Variants in C1orf167 observed in about 807,000 individuals in gnomAD.
The protein encoded by C1orf167 is uncharacterized protein C1orf167.
A neutral mutation model predicts 176.5 loss-of-function variants in C1orf167; 153 were observed. The ratio of observed to expected loss-of-function variants is 0.87; its 90% CI spans 0.76 to 0.99. C1orf167 has a LOEUF of 0.99. C1orf167 is among the 50% of genes least tolerant of loss of function. C1orf167 has a pLI of 0.00. For synonymous variants in C1orf167, 594 were observed against 752.7 expected, an observed-to-expected ratio of 0.79 and a Z score of 3.45; for missense variants, 1,490 against 1,817.7, an observed-to-expected ratio of 0.82 and a Z score of 3.28.
chr1:11,772,003 CAT>C (rs1210153303), intron 7 of C1orf167, 77 bp from the exon 8 acceptor site: 1 of 1,135,140 alleles, frequency 8.8e-7, no homozygotes, highest in Non-Finnish European at 1.1e-6. Context: ...AGGCACCCCA[CAT>C]GTCAGGGGCC....
chr1:11,772,245 A>G lies in C1orf167; in HGVS notation c.1974A>G (p.Arg658=). The part of the protein sequence containing the change: ...WVAPLSPQHQ[R]AWLCRCFGAW... The stretch of plus-strand genomic sequence containing the variant: ...CCCCACTGAGCCCCCAGCACCAGAG[A>G]GCTTGGCTGTGCAGGTAGGATGCCC... The change falls in exon 8 of 21, where the codon AGA becomes AGG. Residue 658 remains arginine, a synonymous_variant. Coordinates refer to ENST00000688073, the MANE Select transcript of C1orf167 (RefSeq NM_001010881.2). 1 of 1,303,210 alleles carries G rather than the reference A, an allele frequency of 7.7e-7. No homozygotes were observed. The highest frequency in any genetic ancestry group is 1.0e-6 in the Non-Finnish European group (1 of 988,620). 80.7% of individuals were successfully genotyped at this position (1,303,210 alleles called of 1,614,324 possible).
chr1:11,775,707 T>C, intron 9 of C1orf167, 97 bp downstream of exon 9: 1 of 1,226,184 alleles, frequency 8.2e-7, no homozygotes, highest in South Asian at 1.5e-5. Context: ...TGGGAGGTGA[T>C]AGAACTGGGG....
At position 11,784,213 on chromosome 1, in the gene C1orf167, G is replaced by A. The variant is rs919553722; in HGVS notation, c.3045G>A (p.Gly1015=). The change falls in exon 15 of 21, where the codon GGG becomes GGA. Residue 1015 remains glycine (G), a synonymous_variant. Transcript: ENST00000688073. ...GGTGTGAGGTTGTAAGAGACACGGGGGTGCTCCGGGCCCAGCATCAAGCCT... is the reference window on the plus strand; with the variant it reads ...GGTGTGAGGTTGTAAGAGACACGGGAGTGCTCCGGGCCCAGCATCAAGCCT... ...QAWCEVVRDT[G]VLRAQHQAFQ... is the part of the protein sequence containing the mutation. 1 of 1,272,094 alleles carries A rather than the reference G, an allele frequency of 7.9e-7. No homozygotes were observed. The highest frequency in any genetic ancestry group is 1.0e-6 in the Non-Finnish European group (1 of 971,910). The allele number at this position is 1,272,094 out of a possible 1,614,324, so 78.8% of individuals were successfully genotyped here.
rs922527589 is a variant in C1orf167, at chr1:11,785,082, G to T, written c.3426-66G>T. ...GAAGGCCCCCTCCCGCAGGGCACTG[G>T]GGGGGCTCCCTGCAGAGAGTCCTGG... On this transcript the variant is annotated intron_variant, in intron 15 of 20. Transcript: ENST00000688073. 1.0e-5 allele frequency: 12 copies of T among 1,189,478 alleles called. No homozygotes were observed. The African/African-American group carries it at 1.6e-4, about 16-fold the overall frequency. 73.7% of individuals were successfully genotyped at this position (1,189,478 alleles called of 1,614,324 possible). A position where few individuals can be genotyped will look rare whatever the true frequency, so the allele number is the denominator to read the frequency against.
At chr1:11,763,124 C>T (rs1008390968) in intron 1 of C1orf167, among the ~76,000 whole-genome samples, 2 of 152,264 alleles carry the variant, frequency 1.3e-5, no homozygotes, top group Admixed American at 6.5e-5. Flanking sequence ...TGGGGAGGAC[C>T]ATAACTGGCA....
chr1:11,779,578 T>TG, intron 12 of C1orf167: 1 of 314,642 alleles, frequency 3.2e-6, no homozygotes, highest in East Asian at 7.9e-5. Context: ...GACTTGGCAG[T>TG]GGGGGTCTAG....
At position 11,776,446 on chromosome 1, in the gene C1orf167, C is replaced by A; in HGVS notation, c.2165-18C>A. The A allele has an allele frequency of 7.7e-7, 1 of 1,297,624 alleles. No individual in the cohort carries two copies. The allele number at this position is 1,297,624 out of a possible 1,614,324, so 80.4% of individuals were successfully genotyped here. On this transcript the variant is annotated intron_variant, in intron 9 of 20. Coordinates refer to ENST00000688073, the MANE Select transcript of C1orf167 (RefSeq NM_001010881.2). ...GTCAGTGGGGAGGCAGCTGACTGGA[C>A]TCTTGACGGTTTCTCAGGACGTGAG...
rs373836704 is a variant in C1orf167, at chr1:11,775,460, G to A, written c.2014G>A (p.Val672Met). ...CRCFGAWQQF[V>M]QRGSRYRDHL... ...GTGCTTCGGGGCGTGGCAGCAGTTC[G>A]TGCAAAGAGGGTCCCGGTACCGAGA... The change falls in exon 9 of 21, where the codon GTG becomes ATG. Residue 672 changes from valine to methionine, a missense_variant. Val to Met is a conservative substitution (Grantham distance 21, BLOSUM62 1). Coordinates refer to ENST00000688073, the MANE Select transcript of C1orf167 (RefSeq NM_001010881.2). 23 of 1,302,860 alleles carry A rather than the reference G, an allele frequency of 1.8e-5. No individual in the cohort carries two copies. Among genetic ancestry groups the A allele is most frequent in the African/African-American group, 4.6e-5 (3 of 65,928 alleles). 80.7% of individuals were successfully genotyped at this position (1,302,860 alleles called of 1,614,324 possible).
At position 11,785,166 on chromosome 1, in the gene C1orf167, G is replaced by A. The variant is rs1454905248; in HGVS notation, c.3444G>A (p.Val1148=). ...CCCGCAGGGTCCTAGAGGCCTCGGT[G>A]CAGTCGGCGGTGCGCGGCGGTGTCC... ...KPRAWVLEAS[V]QSAVRGGVQR... The change falls in exon 16 of 21, where the codon GTG becomes GTA. Residue 1148 remains valine (V), a synonymous_variant. Coordinates refer to ENST00000688073, the MANE Select transcript of C1orf167 (RefSeq NM_001010881.2). 1 of 1,291,400 alleles carries A rather than the reference G, an allele frequency of 7.7e-7. No homozygotes were observed. The highest frequency in any genetic ancestry group is 1.0e-6 in the Non-Finnish European group (1 of 988,712). The allele number at this position is 1,291,400 out of a possible 1,614,324, so 80.0% of individuals were successfully genotyped here. A position where few individuals can be genotyped will look rare whatever the true frequency, so the allele number is the denominator to read the frequency against.
At chr1:11,770,742 G>A (rs896508124) in intron 6 of C1orf167, among the ~76,000 whole-genome samples, 1 of 150,988 alleles carries the variant, frequency 6.6e-6, no homozygotes, top group Non-Finnish European at 1.5e-5. Flanking sequence ...GATTATAGAC[G>A]TGAGCCACTG....
Position 11,763,888 on chromosome 1 carries a change from G to A in C1orf167, c.-70-443G>A, listed in dbSNP as rs146614127. Among the ~76,000 whole-genome samples, 93 of 152,260 alleles carry A rather than the reference G, an allele frequency of 6.1e-4. No homozygotes were observed. The Middle Eastern group carries it at 0.014, about 22-fold the overall frequency. ...ACTGGTGTGAGGGAGAAGGGGAATC[G>A]GGGTGGCTCCAGGATTTTTGTTTGA... On this transcript the variant is annotated intron_variant, in intron 1 of 20. Coordinates refer to ENST00000688073, the MANE Select transcript of C1orf167 (RefSeq NM_001010881.2).
intron 15 of C1orf167, 64 bp from the exon 16 acceptor site, chr1:11,785,084 G>T (rs1023185080): frequency 1.7e-6 from 2 of 1,200,698 alleles, no homozygotes; most frequent in Admixed American, 2.7e-5. Flanking sequence ...GGGCACTGGG[G>T]GGGCTCCCTG....
chr1:11,774,745 A>C (rs1643231760), intron 8 of C1orf167, among the ~76,000 whole-genome samples: 1 of 152,194 alleles, frequency 6.6e-6, no homozygotes, highest in Non-Finnish European at 1.5e-5. Context: ...GGAGGGGCTG[A>C]AATTTGATGG....
intron 8 of C1orf167, among the ~76,000 whole-genome samples, chr1:11,772,883 T>C (rs1287533985): frequency 1.6e-5 from 1 of 64,164 alleles, no homozygotes; most frequent in East Asian, 8.3e-4. Context: ...GGTTAACTTT[T>C]TATTATGGGG....
rs1244937162 is a variant in C1orf167, at chr1:11,772,161, G to C, written c.1890G>C (p.Gln630His). 1.2e-5 allele frequency: 15 copies of C among 1,304,336 alleles called. No homozygotes were observed. The highest frequency in any genetic ancestry group is 1.5e-5 in the Non-Finnish European group (15 of 988,956). The allele number at this position is 1,304,336 out of a possible 1,614,324, so 80.8% of individuals were successfully genotyped here. A position where few individuals can be genotyped will look rare whatever the true frequency, so the allele number is the denominator to read the frequency against. The change falls in exon 8 of 21, where the codon CAG becomes CAC. Residue 630 changes from glutamine to histidine, a missense_variant. Transcript: ENST00000688073. ...TGCGGAAGGCCACCAGGGCCACACA[G>C]AGGACAGGGAGCTTCCCCCAGGCCT... ...ETLRKATRAT[Q>H]RTGSFPQAWH...
At chr1:11,788,555 A>C (rs1212221599) in intron 19 of C1orf167, 97 bp from the exon 20 acceptor site, 1 of 1,160,436 alleles carries the variant, frequency 8.6e-7, no homozygotes, top group Non-Finnish European at 1.2e-6. Flanking sequence ...TAGCCCTTTC[A>C]CTCTGGTGCA....
intron 13 of C1orf167, among the ~76,000 whole-genome samples, chr1:11,781,985 A>T (rs1161440045): frequency 6.6e-6 from 1 of 152,190 alleles, no homozygotes; most frequent in African/African-American, 2.4e-5. Flanking sequence ...AAAATTAACA[A>T]ACAAAAACAA....
rs70983596 is a variant in C1orf167 at position 11,778,291 on chromosome 1, C to CA, written c.2340-345dup. On this transcript the variant is annotated intron_variant, in intron 10 of 20. Coordinates refer to ENST00000688073, the MANE Select transcript of C1orf167 (RefSeq NM_001010881.2). ...TGGGTCACAGAGCCAGACCCTGTCT[C>CA]AAAAAAAAAAAAAAAAAAAAAAAAG... 5.1e-3 allele frequency: 382 copies of CA among 75,450 alleles called. 6 individuals carry two copies. Among genetic ancestry groups the CA allele is most frequent in the African/African-American group, 0.01 (194 of 18,630 alleles). 4.7% of individuals were successfully genotyped at this position (75,450 alleles called of 1,614,324 possible).
chr1:11,765,734 G>A, intron 2 of C1orf167, 123 bp from the exon 3 acceptor site: 1 of 942,990 alleles, frequency 1.1e-6, no homozygotes, highest in Non-Finnish European at 1.4e-6. Context: ...GAAGACCCTG[G>A]AAGTCTTAGC....
Sources: gnomAD v4.1 joint callset for allele counts (sites outside exome capture counted in the v4.1 genomes callset) on GRCh38, gnomAD v4.1.1 for gene constraint, MANE v1.5 for transcripts, NCBI Gene and HGNC (gene_info 2026-07-23, HGNC 2026-07-21) for gene names.